Variants in SLC22A25 observed in about 807,000 individuals in gnomAD.
SLC22A25 encodes the protein solute carrier family 22 member 25, also known as MGI:2442751, MGI:2385316, MGI:3042283, MGI:3645714, MGI:3605624, MGI:2442750.
A neutral mutation model predicts 45.9 loss-of-function variants in SLC22A25; 44 were observed. The observed-to-expected ratio is 0.96, with a 90% CI of 0.75 to 1.23. The LOEUF is 1.23. Ranked by LOEUF, SLC22A25 falls within the 50% of genes most tolerant of loss-of-function variation. The pLI is 0.00. For synonymous variants in SLC22A25, 283 were observed against 238.6 expected (o/e 1.19, Z -1.72); for missense variants, 800 against 666.4 (o/e 1.20, Z -2.21).
At chr11:63,219,817 C>T in intron 5 of SLC22A25, 3 of 845,696 alleles carry the variant, frequency 3.5e-6, no homozygotes, top group Non-Finnish European at 5.1e-6. Context: ...TGCATTTTCT[C>T]ATGGCACTGT....
chr11:63,214,018 A>G (rs1436394085), intron 7 of SLC22A25, among the ~76,000 whole-genome samples: 1 of 152,198 alleles, frequency 6.6e-6, no homozygotes, highest in Non-Finnish European at 1.5e-5. Context: ...CAAGAAATTG[A>G]TGATAATGGC....
At chr11:63,170,891 T>G (rs1247886281) in intron 9 of SLC22A25, among the ~76,000 whole-genome samples, 2 of 152,164 alleles carry the variant, frequency 1.3e-5, no homozygotes, top group Non-Finnish European at 2.9e-5. Flanking sequence ...ATATCCCTGA[T>G]GAACATCAAT....
At chr11:63,181,486 G>A (rs1051410604) in intron 8 of SLC22A25, among the ~76,000 whole-genome samples, 1 of 147,600 alleles carries the variant, frequency 6.8e-6, no homozygotes, top group Non-Finnish European at 1.5e-5. Context: ...GTGAGAACAT[G>A]CGGTGTTAGT....
Position 63,166,073 on chromosome 11 carries a change from C to T in SLC22A25, c.1256G>A (p.Cys419Tyr), listed in dbSNP as rs775776820. The T allele has an allele frequency of 2.3e-5, 37 of 1,613,836 alleles. No homozygotes were observed. Among genetic ancestry groups the T allele is most frequent in the Middle Eastern group, 1.6e-4 (1 of 6,076 alleles). Reference sequence around the variant, plus strand: ...AGGCACAAATATGATGGCCAGAAGGCAGGTTGCCAGTAGGAACATGAGAAG... The same window carrying T: ...AGGCACAAATATGATGGCCAGAAGGTAGGTTGCCAGTAGGAACATGAGAAG... ...QMLLMFLLAT[C>Y]LLAIIFVPQE... The change falls in exon 10 of 12, where the codon TGC becomes TAC. Residue 419 changes from cysteine to tyrosine, a missense_variant. By Grantham distance (194) the Cys-to-Tyr change is radical. Coordinates refer to ENST00000306494, the MANE Select transcript of SLC22A25 (RefSeq NM_199352.6).
chr11:63,230,384 T>C (rs1179863882), intron 3 of SLC22A25, among the ~76,000 whole-genome samples: 1 of 152,194 alleles, frequency 6.6e-6, no homozygotes, highest in Non-Finnish European at 1.5e-5. Context: ...AGATATTATT[T>C]GTGGGGACAT....
intron 7 of SLC22A25, among the ~76,000 whole-genome samples, chr11:63,206,160 T>C (rs1308011): frequency 1 from 151,921 of 152,362 alleles, 75,744 homozygotes; most frequent in Middle Eastern, 1. Context: ...CTATTTATTA[T>C]GAACCTATAG....
chr11:63,185,703 C>T (rs112602428), intron 7 of SLC22A25, among the ~76,000 whole-genome samples: 2 of 120,500 alleles, frequency 1.7e-5, no homozygotes, highest in African/African-American at 6.2e-5. Context: ...CTCCCCCCAC[C>T]CCACCACAGT....
At chr11:63,225,545 C>A (rs185675121) in intron 5 of SLC22A25, among the ~76,000 whole-genome samples, 2 of 152,036 alleles carry the variant, frequency 1.3e-5, no homozygotes, top group South Asian at 2.1e-4. Flanking sequence ...TTTTCTCTTG[C>A]GTGTTTAGGA....
intron 8 of SLC22A25, among the ~76,000 whole-genome samples, chr11:63,181,334 T>C (rs926103477): frequency 6.6e-6 from 1 of 151,968 alleles, no homozygotes; most frequent in Admixed American, 6.6e-5. Context: ...GTTGGTGTGC[T>C]GCACCCATTA....
At chr11:63,217,837 T>C (rs937946431) in intron 5 of SLC22A25, 102 bp from the exon 6 acceptor site, 1 of 1,367,186 alleles carries the variant, frequency 7.3e-7, no homozygotes, top group Non-Finnish European at 9.9e-7. Flanking sequence ...GTTTAACAAG[T>C]GAAACTTTAC....
chr11:63,221,989 G>C (rs2089863531), intron 5 of SLC22A25, among the ~76,000 whole-genome samples: 1 of 152,004 alleles, frequency 6.6e-6, no homozygotes, highest in Non-Finnish European at 1.5e-5. Context: ...ATTGGTCTAT[G>C]CATGTGTTTT....
At chr11:63,186,983 C>T (rs978277182) in intron 7 of SLC22A25, among the ~76,000 whole-genome samples, 4 of 152,108 alleles carry the variant, frequency 2.6e-5, no homozygotes, top group Admixed American at 6.6e-5. Flanking sequence ...TAGCATGGTG[C>T]CTCCCGCTTT....
At chr11:63,223,329 A>G (rs2089892489) in intron 5 of SLC22A25, among the ~76,000 whole-genome samples, 1 of 151,770 alleles carries the variant, frequency 6.6e-6, no homozygotes, top group Non-Finnish European at 1.5e-5. Context: ...CTGGTTTTGG[A>G]TTTCTTTAGG....
At position 63,183,677 on chromosome 11, in the gene SLC22A25, GCTCCC is replaced by G; in HGVS notation, c.954+12_954+16del. ...ATGTCTTCCCAGCATCCCATATCCA[GCTCCC>G]GTCTTGCTTACCTCCATGGTTAGGA... On this transcript the variant is annotated intron_variant, in intron 8 of 11. Coordinates refer to ENST00000306494, the MANE Select transcript of SLC22A25 (RefSeq NM_199352.6). 1 of 1,612,148 alleles carries G rather than the reference GCTCCC, an allele frequency of 6.2e-7. No individual in the cohort carries two copies. The highest frequency in any genetic ancestry group is 1.1e-5 in the South Asian group (1 of 90,912).
chr11:63,180,175 A>G (rs2134732075), intron 9 of SLC22A25, among the ~76,000 whole-genome samples: 1 of 152,180 alleles, frequency 6.6e-6, no homozygotes, highest in East Asian at 1.9e-4. Flanking sequence ...TTATTTAATC[A>G]GTGTTTCTGT....
chr11:63,216,553 A>G (rs991542443), intron 7 of SLC22A25, among the ~76,000 whole-genome samples: 1 of 152,208 alleles, frequency 6.6e-6, no homozygotes, highest in African/African-American at 2.4e-5. Flanking sequence ...ATAAAAAAGA[A>G]CAAGATTGTG....
At chr11:63,184,495 G>C (rs1019129824) in intron 7 of SLC22A25, among the ~76,000 whole-genome samples, 5 of 152,156 alleles carry the variant, frequency 3.3e-5, no homozygotes, top group Non-Finnish European at 7.3e-5. Context: ...GTTAAGGGAA[G>C]GGGTATAGTT....
chr11:63,200,724 G>C (rs540931649), intron 7 of SLC22A25, among the ~76,000 whole-genome samples: 26 of 152,238 alleles, frequency 1.7e-4, no homozygotes, highest in African/African-American at 5.5e-4. Flanking sequence ...AACTATCCCT[G>C]TTCATAGATG....
At chr11:63,211,329 G>A (rs1337444751) in intron 7 of SLC22A25, among the ~76,000 whole-genome samples, 2 of 152,136 alleles carry the variant, frequency 1.3e-5, no homozygotes, top group East Asian at 3.8e-4. Flanking sequence ...AAGCCAAAAG[G>A]TGAATACAGG....
Sources: gnomAD v4.1 joint callset for allele counts (sites outside exome capture counted in the v4.1 genomes callset) on GRCh38, gnomAD v4.1.1 for gene constraint, MANE v1.5 for transcripts, NCBI Gene and HGNC (gene_info 2026-07-23, HGNC 2026-07-21) for gene names.